Variants in RBFOX3 observed in about 807,000 individuals in gnomAD.
RBFOX3 encodes the protein RNA binding protein fox-1 homolog 3.
A neutral mutation model predicts 48.7 loss-of-function variants in RBFOX3; 17 were observed. The observed-to-expected ratio is 0.35, with a 90% CI of 0.24 to 0.52. The LOEUF (loss-of-function observed/expected upper bound fraction) is 0.52. RBFOX3 is among the 20% of genes least tolerant of loss of function. RBFOX3 has a pLI of 0.94. For missense variants in RBFOX3, 382 were observed against 497.5 expected, an observed-to-expected ratio of 0.77 and a Z score of 2.21; for synonymous variants, 212 against 209.5, an observed-to-expected ratio of 1.01 and a Z score of -0.10.
chr17:79,663,522 C>T, the RBFOX3 span, among the ~76,000 whole-genome samples: 1 of 152,152 alleles, frequency 6.6e-6, no homozygotes, highest in African/African-American at 2.4e-5. Flanking sequence ...GGGTGTTTCC[C>T]CCAGAGAAGA....
At chr17:79,227,656 A>G (rs919793102) in intron 4 of RBFOX3, among the ~76,000 whole-genome samples, 2 of 152,104 alleles carry the variant, frequency 1.3e-5, no homozygotes, top group African/African-American at 4.8e-5. Context: ...TTATAACTGG[A>G]GCACATGTGA....
In RBFOX3 at chr17:79,190,432, C is replaced by CAAAAAAACTACAACAAA. The variant is rs758526092; in HGVS notation, c.-34+45333_-34+45334insTTTGTTGTAGTTTTTTT. Among the ~76,000 whole-genome samples the CAAAAAAACTACAACAAA allele has an allele frequency of 6.2e-3, 717 of 114,724 alleles. 11 individuals carry two copies. The highest frequency in any genetic ancestry group is 0.022 in the African/African-American group (689 of 31,970). 75.3% of individuals were successfully genotyped at this position (114,724 alleles called of 152,430 possible). A position where few individuals can be genotyped will look rare whatever the true frequency, so the allele number is the denominator to read the frequency against. On this transcript the variant is annotated intron_variant, in intron 4 of 14. Transcript: ENST00000693108. Reference sequence around the variant, plus strand: ...GTCTCACCAAAAAAAAAAAAAAAAACAAAAAAACAGAGTGAAGAAGAAGAA... The same window carrying CAAAAAAACTACAACAAA: ...GTCTCACCAAAAAAAAAAAAAAAAACAAAAAAACTACAACAAAAAAAAAACAGAGTGAAGAAGAAGAA...
chr17:79,438,104 G>GCGCA (rs1555732313), intron 2 of RBFOX3, among the ~76,000 whole-genome samples: 23 of 150,790 alleles, frequency 1.5e-4, no homozygotes, highest in African/African-American at 4.1e-4. Flanking sequence ...GTGCACAGGC[G>GCGCA]CACACACACA....
intron 2 of RBFOX3, among the ~76,000 whole-genome samples, chr17:79,475,603 G>A (rs1277433584): frequency 7.2e-5 from 11 of 152,168 alleles, no homozygotes; most frequent in African/African-American, 2.4e-4. Flanking sequence ...GGTGGGCCCC[G>A]ATCCAATGAC....
intron 2 of RBFOX3, among the ~76,000 whole-genome samples, chr17:79,312,322 C>T (rs1055467811): frequency 6.6e-6 from 1 of 150,446 alleles, no homozygotes; most frequent in African/African-American, 2.4e-5. Context: ...AGATTCTCAA[C>T]AAGACAGAGA....
chr17:79,096,620 T>TTGCCCCCCC, intron 12 of RBFOX3, 33 bp downstream of exon 12: 12 of 1,502,344 alleles, frequency 8.0e-6, no homozygotes, highest in South Asian at 2.4e-5. Flanking sequence ...GAACGCCTGA[T>TTGCCCCCCC]CCCACCCTCC....
rs916957022 is a variant in RBFOX3, at chr17:79,555,979, C to T, written c.-320+54847G>A. On this transcript the variant is annotated intron_variant, in intron 1 of 14. Transcript: ENST00000693108. ...ACAACAATGTCACCAAAACCCAATA[C>T]CATACAGTGAAGACAGGCCCCATTG... Among the ~76,000 whole-genome samples, 21 of 152,204 alleles carry T rather than the reference C, an allele frequency of 1.4e-4. No homozygotes were observed. The South Asian group carries it at 3.5e-3, about 26-fold the overall frequency.
At chr17:79,558,293 C>G (rs2091929273) in intron 1 of RBFOX3, among the ~76,000 whole-genome samples, 1 of 152,160 alleles carries the variant, frequency 6.6e-6, no homozygotes, top group Admixed American at 6.5e-5. Flanking sequence ...AATTGGAGTT[C>G]AGAAAAATAT....
chr17:79,165,063 C>T (rs774322188), intron 4 of RBFOX3, among the ~76,000 whole-genome samples: 4 of 151,942 alleles, frequency 2.6e-5, no homozygotes, highest in Admixed American at 6.5e-5. Context: ...CAAAAGCAGC[C>T]GGGCCACACC....
intron 2 of RBFOX3, among the ~76,000 whole-genome samples, chr17:79,360,363 T>C (rs2086081049): frequency 6.7e-6 from 1 of 148,926 alleles, no homozygotes; most frequent in Admixed American, 6.7e-5. Flanking sequence ...TGCACCCAGC[T>C]GGGCACGCTC....
chr17:79,616,610 T>TACACACAC, the RBFOX3 span, among the ~76,000 whole-genome samples: 1 of 100,102 alleles, frequency 1.0e-5, no homozygotes, highest in Non-Finnish European at 2.3e-5. Context: ...CACACACACG[T>TACACACAC]GTTACTACTT....
the RBFOX3 span, among the ~76,000 whole-genome samples, chr17:79,646,594 G>A: frequency 2.0e-5 from 3 of 152,194 alleles, no homozygotes; most frequent in East Asian, 5.8e-4. Flanking sequence ...AACAATATGG[G>A]GGAAACTGCC....
chr17:79,395,411 C>T (rs1203145695), intron 2 of RBFOX3, among the ~76,000 whole-genome samples: 3 of 152,206 alleles, frequency 2.0e-5, no homozygotes, highest in Non-Finnish European at 4.4e-5. Flanking sequence ...TGTCTGGCCT[C>T]GCTTAAGCTG....
chr17:79,359,304 T>C (rs997686008), intron 2 of RBFOX3, among the ~76,000 whole-genome samples: 2 of 152,180 alleles, frequency 1.3e-5, no homozygotes, highest in African/African-American at 4.8e-5. Context: ...GAGTTTCAGA[T>C]AAACAACAAA....
intron 3 of RBFOX3, among the ~76,000 whole-genome samples, chr17:79,296,302 A>AC (rs1341076146): frequency 0.012 from 1,694 of 139,486 alleles, 31 homozygotes; most frequent in African/African-American, 0.045. Context: ...ACACACACAC[A>AC]CACCACACAC....
chr17:79,124,555 C>T (rs1416992016), intron 4 of RBFOX3, among the ~76,000 whole-genome samples: 1 of 152,226 alleles, frequency 6.6e-6, no homozygotes, highest in East Asian at 1.9e-4. Context: ...AGGTGGTGAG[C>T]TCCATAAAGG....
chr17:79,145,207 C>A (rs567051055), intron 4 of RBFOX3, among the ~76,000 whole-genome samples: 3 of 152,298 alleles, frequency 2.0e-5, no homozygotes, highest in Middle Eastern at 3.4e-3. Context: ...CCAGGACCCC[C>A]AACACAGGAG....
chr17:79,552,533 T>A (rs1175186976), intron 1 of RBFOX3, among the ~76,000 whole-genome samples: 7 of 152,158 alleles, frequency 4.6e-5, no homozygotes, highest in African/African-American at 1.7e-4. Context: ...GGAAGGAATT[T>A]CTATCTGTTT....
the RBFOX3 span, among the ~76,000 whole-genome samples, chr17:79,639,567 T>A: frequency 6.6e-6 from 1 of 152,190 alleles, no homozygotes; most frequent in Non-Finnish European, 1.5e-5. Flanking sequence ...ATATCTCTGA[T>A]GAACATAGAT....
Sources: allele counts gnomAD v4.1 joint callset (sites outside exome capture counted in the v4.1 genomes callset), GRCh38; gene constraint gnomAD v4.1.1; transcripts MANE v1.5; gene names NCBI Gene and HGNC (gene_info 2026-07-23, HGNC 2026-07-21).